Variants in GRIK1 observed in about 807,000 individuals in gnomAD.
GRIK1 encodes glutamate receptor ionotropic, kainate 1.
In GRIK1, 69 loss-of-function variants were observed where a neutral mutation model predicts 105.7. The ratio of observed to expected loss-of-function variants is 0.65; its 90% CI spans 0.54 to 0.80. The LOEUF (loss-of-function observed/expected upper bound fraction) is 0.80. GRIK1 is among the 30% of genes least tolerant of loss of function. The pLI, the probability that GRIK1 is intolerant of heterozygous loss-of-function variation, is 0.00. For synonymous variants in GRIK1, 438 were observed against 431.3 expected (o/e 1.02, Z -0.19); for missense variants, 1,109 against 1,167.3 (o/e 0.95, Z 0.73).
intron 1 of GRIK1, among the ~76,000 whole-genome samples, chr21:29,812,252 C>T (rs1042865669): frequency 6.6e-6 from 1 of 152,114 alleles, no homozygotes; most frequent in African/African-American, 2.4e-5. Flanking sequence ...GTTCTTCATG[C>T]ATTTGGGAAA....
At chr21:29,661,323 T>A (rs1163579589) in intron 4 of GRIK1, among the ~76,000 whole-genome samples, 2 of 152,232 alleles carry the variant, frequency 1.3e-5, no homozygotes, top group Admixed American at 1.3e-4. Context: ...ATGGAATATG[T>A]TCCTTTACCT....
intron 12 of GRIK1, among the ~76,000 whole-genome samples, chr21:29,582,633 G>C (rs921759467): frequency 6.6e-6 from 1 of 152,032 alleles, no homozygotes; most frequent in African/African-American, 2.4e-5. Flanking sequence ...CCCAAAGGAG[G>C]TCTCTGCTCT....
intron 1 of GRIK1, among the ~76,000 whole-genome samples, chr21:29,808,775 C>T (rs1022006031): frequency 6.6e-6 from 1 of 152,152 alleles, no homozygotes; most frequent in Non-Finnish European, 1.5e-5. Flanking sequence ...CCAGCCCTTC[C>T]AATGCCCCCT....
intron 1 of GRIK1, among the ~76,000 whole-genome samples, chr21:29,745,625 C>T (rs1006252512): frequency 6.6e-6 from 1 of 152,162 alleles, no homozygotes; most frequent in South Asian, 2.1e-4. Context: ...TGGTTACTTA[C>T]CAATTATTAT....
At chr21:29,653,731 G>A (rs1416082705) in intron 5 of GRIK1, among the ~76,000 whole-genome samples, 2 of 152,118 alleles carry the variant, frequency 1.3e-5, no homozygotes, top group African/African-American at 4.8e-5. Context: ...GAGGCAAATG[G>A]GAAGACTATG....
At chr21:29,858,481 C>T (rs139511525) in intron 1 of GRIK1, among the ~76,000 whole-genome samples, 8 of 152,106 alleles carry the variant, frequency 5.3e-5, no homozygotes, top group African/African-American at 1.2e-4. Context: ...AGTGACTCCC[C>T]GGCGGCTGTT....
At chr21:29,591,418 T>C (rs1303933121) in intron 9 of GRIK1, among the ~76,000 whole-genome samples, 193 bp from the exon 10 acceptor site, 1 of 151,060 alleles carries the variant, frequency 6.6e-6, no homozygotes, top group African/African-American at 2.5e-5. Context: ...AGGATATATC[T>C]GTGCTATTGG....
chr21:29,752,094 G>A (rs145228918), intron 1 of GRIK1, among the ~76,000 whole-genome samples: 39 of 152,272 alleles, frequency 2.6e-4, no homozygotes, highest in Middle Eastern at 3.4e-3. Context: ...AATTCATGAC[G>A]TCTCCAAAGT....
chr21:29,660,128 CT>C (rs2062934675), intron 4 of GRIK1, among the ~76,000 whole-genome samples: 1 of 152,214 alleles, frequency 6.6e-6, no homozygotes, highest in Non-Finnish European at 1.5e-5. Flanking sequence ...ATTGGTCCAG[CT>C]GCTTTCTGGA....
At chr21:29,738,804 T>C (rs1306826516) in intron 1 of GRIK1, among the ~76,000 whole-genome samples, 4 of 152,208 alleles carry the variant, frequency 2.6e-5, no homozygotes, top group African/African-American at 9.6e-5. Context: ...TTTTGCTTCT[T>C]TTAGAAACAA....
chr21:29,844,868 T>C (rs887436967), intron 1 of GRIK1, among the ~76,000 whole-genome samples: 8 of 152,228 alleles, frequency 5.3e-5, no homozygotes, highest in Non-Finnish European at 4.4e-5. Context: ...TCTTATCATG[T>C]AATTCTTCCA....
intron 1 of GRIK1, among the ~76,000 whole-genome samples, chr21:29,897,645 GT>G (rs1432993984): frequency 6.6e-6 from 1 of 152,140 alleles, no homozygotes; most frequent in Non-Finnish European, 1.5e-5. Flanking sequence ...AAAAAATAAC[GT>G]TAGTCCAGGA....
intron 1 of GRIK1, among the ~76,000 whole-genome samples, chr21:29,715,562 T>G (rs2064158429): frequency 6.6e-6 from 1 of 151,820 alleles, no homozygotes; most frequent in Non-Finnish European, 1.5e-5. Context: ...AACACTGCAC[T>G]TGCATGTAGC....
At chr21:29,865,892 G>A (rs528848525) in intron 1 of GRIK1, among the ~76,000 whole-genome samples, 10 of 152,134 alleles carry the variant, frequency 6.6e-5, no homozygotes, top group Non-Finnish European at 1.5e-4. Context: ...CGTTTGTGAC[G>A]ATGGCAAAAG....
At chr21:29,867,049 A>C (rs1003613222) in intron 1 of GRIK1, among the ~76,000 whole-genome samples, 1 of 152,166 alleles carries the variant, frequency 6.6e-6, no homozygotes, top group African/African-American at 2.4e-5. Context: ...ATTACATACA[A>C]AACATTTGGG....
chr21:29,631,028 G>C (rs183993182), intron 7 of GRIK1, among the ~76,000 whole-genome samples: 13 of 151,976 alleles, frequency 8.6e-5, no homozygotes, highest in Non-Finnish European at 4.4e-5. Flanking sequence ...GGCTGGTCTA[G>C]AACTCCTGAA....
chr21:29,621,657 G>C (rs1412952611), intron 7 of GRIK1, among the ~76,000 whole-genome samples: 1 of 152,156 alleles, frequency 6.6e-6, no homozygotes, highest in African/African-American at 2.4e-5. Flanking sequence ...CTCAGTCCCA[G>C]GTGAAAACCA....
At chr21:29,587,809 A>T (rs117391879) in intron 11 of GRIK1, among the ~76,000 whole-genome samples, 5 of 152,234 alleles carry the variant, frequency 3.3e-5, no homozygotes, top group Non-Finnish European at 7.4e-5. Flanking sequence ...ACACATATAC[A>T]TACACAAATA....
At chr21:29,740,576 G>A (rs2064902786) in intron 1 of GRIK1, among the ~76,000 whole-genome samples, 1 of 152,174 alleles carries the variant, frequency 6.6e-6, no homozygotes, top group African/African-American at 2.4e-5. Context: ...CTTGTTCAGA[G>A]AAATAAGGAG....
Sources: gnomAD v4.1 joint callset for allele counts (sites outside exome capture counted in the v4.1 genomes callset) on GRCh38, gnomAD v4.1.1 for gene constraint, MANE v1.5 for transcripts, NCBI Gene and HGNC (gene_info 2026-07-23, HGNC 2026-07-21) for gene names.